FAAH2: variants seen among roughly 807,000 people sequenced by gnomAD.
The protein encoded by FAAH2 is fatty acid amide hydrolase 2.
FAAH2 carries 60 observed loss-of-function variants against 36.9 expected under a neutral mutation model. The observed-to-expected ratio is 1.63, with a 90% CI of 1.32 to 2.02. The LOEUF is 2.02. FAAH2 is among the 30% of genes most tolerant of loss of function. The pLI, the probability that FAAH2 is intolerant of heterozygous loss-of-function variation, is 0.00. For missense variants in FAAH2, 689 were observed against 397.5 expected (o/e 1.73, Z -6.23); for synonymous variants, 214 against 143.8 (o/e 1.49, Z -3.49).
At chrX:57,395,511 A>G (rs1156531180) in intron 7 of FAAH2, 4 of 356,982 alleles carry the variant, frequency 1.1e-5, no homozygotes, top group Non-Finnish European at 2.0e-5. Context: ...GATGTTGGCT[A>G]TGGGTTTGTC....
At chrX:57,256,555 CAA>C in the FAAH2 span, among the ~76,000 whole-genome samples, 1 of 111,053 alleles carries the variant, frequency 9.0e-6, no homozygotes, top group African/African-American at 3.3e-5. Context: ...CAAGATGGAC[CAA>C]AGACTTAAAC....
intron 5 of FAAH2, among the ~76,000 whole-genome samples, chrX:57,361,675 A>T (rs984180300): frequency 4.5e-5 from 5 of 111,273 alleles, no homozygotes; most frequent in African/African-American, 1.3e-4. Context: ...ATATTTTTTT[A>T]AATTGTAAGA....
At chrX:57,195,325 T>G in the FAAH2 span, among the ~76,000 whole-genome samples, 1 of 111,759 alleles carries the variant, frequency 8.9e-6, no homozygotes, top group Non-Finnish European at 1.9e-5. Flanking sequence ...AAGACAGCAT[T>G]GTGGTTTTGG....
In FAAH2 at chrX:57,443,436, C is replaced by T. The variant is rs138673290; in HGVS notation, c.1117-3492C>T. Among the ~76,000 whole-genome samples, 80 of 112,237 alleles carry T rather than the reference C, an allele frequency of 7.1e-4. 1 individual carries two copies. The East Asian group carries it at 0.02, about 28-fold the overall frequency. ...GGTTGTGCATTCATCACGTAGTTCT[C>T]GTGCCATGGTTTTCAGCTCCATGAG... On this transcript the variant is annotated intron_variant, in intron 8 of 10. Transcript: ENST00000374900.
the FAAH2 span, among the ~76,000 whole-genome samples, chrX:57,156,825 G>C: frequency 1.8e-5 from 2 of 111,913 alleles, no homozygotes; most frequent in Admixed American, 9.5e-5. Flanking sequence ...ACCTGTCACC[G>C]TGCTGGGTTG....
chrX:57,165,140 C>T, the FAAH2 span, among the ~76,000 whole-genome samples: 1 of 112,420 alleles, frequency 8.9e-6, no homozygotes, highest in East Asian at 2.8e-4. Flanking sequence ...GGCGATTCCT[C>T]ATGGATCTAG....
the FAAH2 span, among the ~76,000 whole-genome samples, chrX:57,197,808 T>A: frequency 8.9e-6 from 1 of 112,068 alleles, no homozygotes; most frequent in African/African-American, 3.2e-5. Context: ...TTTGTGAGTG[T>A]CTTTGGCTGT....
Position 57,458,706 on chromosome X carries a change from T to A in FAAH2, c.1423+9988T>A, listed in dbSNP as rs916933031. On this transcript the variant is annotated intron_variant, in intron 10 of 10. Coordinates refer to ENST00000374900, the MANE Select transcript of FAAH2 (RefSeq NM_174912.4). ...GGGCGAGCAGAAGCAGTGTTGGGCA[T>A]TGCCTTACCCGGGAAGTGCAAGGAG... Among the ~76,000 whole-genome samples, 5 of 111,505 alleles carry A rather than the reference T, an allele frequency of 4.5e-5. No individual in the cohort carries two copies. In the South Asian group the frequency reaches 1.1e-3, roughly 26 times the overall value.
chrX:57,392,575 C>T, intron 7 of FAAH2: 5 of 818,929 alleles, frequency 6.1e-6, no homozygotes, highest in Non-Finnish European at 5.4e-6. Flanking sequence ...CTTCCTAACT[C>T]CCAGTGGGCC....
At chrX:57,398,436 A>G (rs1424616491) in intron 7 of FAAH2, among the ~76,000 whole-genome samples, 1 of 112,347 alleles carries the variant, frequency 8.9e-6, no homozygotes, top group African/African-American at 3.2e-5. Flanking sequence ...TATTCCGTCA[A>G]ATATGTTTTC....
Position 57,352,032 on chromosome X carries a change from ATATACATATATATATG to A in FAAH2, c.742+10644_742+10659del, listed in dbSNP as rs1569283607. ...TATATGTGTGTGTGTATATATATAT[ATATACATATATATATG>A]TGTATATATATATATATACACATAT... is the stretch of plus-strand genomic sequence containing the variant. On this transcript the variant is annotated intron_variant, in intron 5 of 10. Transcript: ENST00000374900. Among the ~76,000 whole-genome samples, 7 of 10,938 alleles carry A rather than the reference ATATACATATATATATG, an allele frequency of 6.4e-4. 1 individual carries two copies. Among genetic ancestry groups the A allele is most frequent in the African/African-American group, 8.4e-4 (7 of 8,286 alleles). The allele number at this position is 10,938 out of a possible 115,157, so 9.5% of individuals were successfully genotyped here.
intron 2 of FAAH2, 33 bp from the exon 3 acceptor site, chrX:57,310,560 A>C: frequency 8.5e-7 from 1 of 1,177,947 alleles, no homozygotes; most frequent in Non-Finnish European, 1.1e-6. Flanking sequence ...TGACTTGTTT[A>C]GTTAAAGTTT....
At chrX:57,356,799 AATT>A (rs2054168080) in intron 5 of FAAH2, among the ~76,000 whole-genome samples, 1 of 110,014 alleles carries the variant, frequency 9.1e-6, no homozygotes, top group Non-Finnish European at 1.9e-5. Flanking sequence ...TATTTATTTT[AATT>A]ATTATACGTT....
upstream of FAAH2, among the ~76,000 whole-genome samples, chrX:57,283,207 C>A (rs2051770241): frequency 9.0e-6 from 1 of 111,585 alleles, no homozygotes; most frequent in African/African-American, 3.3e-5. Flanking sequence ...TGCTTCTTTC[C>A]CAGTCTGAGG....
At chrX:57,438,978 C>A (rs1471984112) in intron 8 of FAAH2, among the ~76,000 whole-genome samples, 3 of 110,904 alleles carry the variant, frequency 2.7e-5, no homozygotes, top group Non-Finnish European at 5.7e-5. Context: ...ATAGGTGCCA[C>A]ATTTTCTTAA....
chrX:57,478,525 T>C (rs1042806635), intron 10 of FAAH2, among the ~76,000 whole-genome samples: 128 of 111,779 alleles, frequency 1.1e-3, no homozygotes, highest in African/African-American at 2.5e-3. Flanking sequence ...GCTTTTGTTG[T>C]AATTGCTTTT....
the FAAH2 span, among the ~76,000 whole-genome samples, chrX:57,230,376 T>C: frequency 3.6e-5 from 4 of 112,162 alleles, no homozygotes; most frequent in African/African-American, 1.3e-4. Flanking sequence ...GTAGTTTAAA[T>C]TTATTACATG....
At chrX:57,336,398 C>A (rs750666816) in intron 4 of FAAH2, among the ~76,000 whole-genome samples, 2 of 111,556 alleles carry the variant, frequency 1.8e-5, no homozygotes, top group African/African-American at 6.5e-5. Flanking sequence ...AAATAAACAG[C>A]TTTATTGCTC....
chrX:57,356,045 G>A (rs771899994), intron 5 of FAAH2, among the ~76,000 whole-genome samples: 46 of 110,611 alleles, frequency 4.2e-4, no homozygotes, highest in African/African-American at 1.4e-3. Flanking sequence ...TAGTCATCTG[G>A]GTTTTCTCTT....
Sources: gnomAD v4.1 joint callset for allele counts (sites outside exome capture counted in the v4.1 genomes callset) on GRCh38, gnomAD v4.1.1 for gene constraint, MANE v1.5 for transcripts, NCBI Gene and HGNC (gene_info 2026-07-23, HGNC 2026-07-21) for gene names.